Variants in SLC15A2 observed in about 807,000 individuals in gnomAD.
The protein encoded by SLC15A2 is kidney H(+)/peptide cotransporter.
Under a neutral mutation model 95.5 loss-of-function variants are expected in SLC15A2, and 77 were observed. That is an observed-to-expected ratio of 0.81 (90% CI 0.67 to 0.97). The LOEUF is 0.97. SLC15A2 is among the 50% of genes least tolerant of loss of function. The pLI, the probability that SLC15A2 is intolerant of heterozygous loss-of-function variation, is 0.00. For missense variants in SLC15A2, 893 were observed against 874.4 expected (o/e 1.02, Z -0.27); for synonymous variants, 306 against 306.9 (o/e 1.00, Z 0.03).
At chr3:121,904,531 A>C (rs541792571) in intron 3 of SLC15A2, among the ~76,000 whole-genome samples, 9 of 152,214 alleles carry the variant, frequency 5.9e-5, no homozygotes, top group African/African-American at 1.9e-4. Flanking sequence ...TTCCATCAAT[A>C]CCTAGTTTAT....
chr3:121,915,041 G>A (rs900752437), intron 5 of SLC15A2, 186 bp from the exon 6 acceptor site: 3 of 1,339,008 alleles, frequency 2.2e-6, no homozygotes, highest in Non-Finnish European at 2.9e-6. Flanking sequence ...AGTTTGAAAG[G>A]TGAGTAAATG....
chr3:121,903,924 T>C (rs1260754810), intron 3 of SLC15A2, among the ~76,000 whole-genome samples: 2 of 152,232 alleles, frequency 1.3e-5, no homozygotes, highest in East Asian at 3.8e-4. Context: ...GCATTGAATC[T>C]ATAAATTACC....
intron 7 of SLC15A2, among the ~76,000 whole-genome samples, chr3:121,915,977 T>C (rs1475695245): frequency 6.6e-6 from 1 of 152,156 alleles, no homozygotes; most frequent in Non-Finnish European, 1.5e-5. Context: ...TTTTTTAGTA[T>C]CTCGGGTCAT....
At chr3:121,904,511 T>C (rs1354522082) in intron 3 of SLC15A2, among the ~76,000 whole-genome samples, 1 of 152,206 alleles carries the variant, frequency 6.6e-6, no homozygotes, top group African/African-American at 2.4e-5. Context: ...TCTTATTATT[T>C]TGAGATACGT....
At chr3:121,925,184 C>A in intron 13 of SLC15A2, 151 bp downstream of exon 13, 1 of 640,076 alleles carries the variant, frequency 1.6e-6, no homozygotes, top group Non-Finnish European at 2.8e-6. Context: ...GACTAACTGC[C>A]TATTGACCCT....
chr3:121,923,495 A>G (rs1023789393), intron 11 of SLC15A2, among the ~76,000 whole-genome samples: 1 of 152,200 alleles, frequency 6.6e-6, no homozygotes, highest in Admixed American at 6.5e-5. Context: ...TTCAATGTAT[A>G]CAAGGAAGTA....
At chr3:121,913,949 C>A (rs368293650) in intron 5 of SLC15A2, among the ~76,000 whole-genome samples, 8 of 150,776 alleles carry the variant, frequency 5.3e-5, no homozygotes, top group Non-Finnish European at 1.0e-4. Context: ...CTCTCCCCCC[C>A]ACCTCCCGCC....
intron 8 of SLC15A2, 27 bp from the exon 9 acceptor site, chr3:121,922,748 T>A (rs1353772442): frequency 6.4e-7 from 1 of 1,558,326 alleles, no homozygotes; most frequent in African/African-American, 1.4e-5. Flanking sequence ...TCTTTGTCTC[T>A]CCCATGATGT....
chr3:121,916,440 A>G (rs1361365629), intron 7 of SLC15A2, among the ~76,000 whole-genome samples: 1 of 152,188 alleles, frequency 6.6e-6, no homozygotes, highest in Non-Finnish European at 1.5e-5. Flanking sequence ...GTGCAAACCC[A>G]TAAAGAGCTC....
In SLC15A2 at chr3:121,923,073, A is replaced by G. The variant is rs778502349; in HGVS notation, c.901A>G (p.Arg301Gly). ...QLIMDVKALT[R>G]VLFLYIPLPM... ...CATTATGGATGTAAAGGCACTGACC[A>G]GGGTACTATTCCTTTATATCCCATT... is the stretch of plus-strand genomic sequence containing the variant. Residue 301 changes from arginine (R) to glycine (G), a missense_variant, in exon 10 of 22, where the codon AGG becomes GGG. By Grantham distance (125) the Arg-to-Gly change is moderately radical. Transcript: ENST00000489711. 2.5e-6 allele frequency: 4 copies of G among 1,614,090 alleles called. No individual in the cohort carries two copies. Among genetic ancestry groups the G allele is most frequent in the East Asian group, 2.2e-5 (1 of 44,876 alleles).
At chr3:121,940,589 C>T in intron 21 of SLC15A2, 101 bp downstream of exon 21, 1 of 1,028,128 alleles carries the variant, frequency 9.7e-7, no homozygotes, top group Non-Finnish European at 1.5e-6. Flanking sequence ...ATTCCCCATT[C>T]AGTGCTGTGA....
chr3:121,931,439 C>G (rs1304125140), intron 18 of SLC15A2, among the ~76,000 whole-genome samples, 200 bp from the exon 19 acceptor site: 1 of 152,190 alleles, frequency 6.6e-6, no homozygotes, highest in Non-Finnish European at 1.5e-5. Context: ...AAATACCTGA[C>G]AAGCAATAAA....
At chr3:121,914,280 C>T (rs906985679) in intron 5 of SLC15A2, among the ~76,000 whole-genome samples, 1 of 152,182 alleles carries the variant, frequency 6.6e-6, no homozygotes, top group Non-Finnish European at 1.5e-5. Flanking sequence ...ACTCGTTGTT[C>T]TAATATGGCA....
chr3:121,911,255 C>G (rs549594917), intron 3 of SLC15A2, among the ~76,000 whole-genome samples: 32 of 152,250 alleles, frequency 2.1e-4, no homozygotes, highest in South Asian at 1.2e-3. Flanking sequence ...CTTGTCATGT[C>G]TGTACAAAGT....
chr3:121,919,538 T>C (rs1046968959), intron 7 of SLC15A2, among the ~76,000 whole-genome samples: 1 of 152,006 alleles, frequency 6.6e-6, no homozygotes, highest in Non-Finnish European at 1.5e-5. Context: ...TACCACTAGA[T>C]TGGTTAAAAG....
intron 9 of SLC15A2, 68 bp from the exon 10 acceptor site, chr3:121,922,968 ACTTC>A: frequency 6.4e-7 from 1 of 1,559,944 alleles, no homozygotes; most frequent in Non-Finnish European, 8.8e-7. Context: ...TTTTTTGGAC[ACTTC>A]TACTTTAAGC....
intron 21 of SLC15A2, 120 bp downstream of exon 21, chr3:121,940,608 G>C: frequency 1.1e-6 from 1 of 907,650 alleles, no homozygotes; most frequent in Non-Finnish European, 1.7e-6. Flanking sequence ...GACATGAAAT[G>C]GGTTAGATAT....
chr3:121,928,352 A>G (rs1054485396), intron 14 of SLC15A2, 69 bp from the exon 15 acceptor site: 8 of 1,550,270 alleles, frequency 5.2e-6, no homozygotes, highest in Non-Finnish European at 7.0e-6. Flanking sequence ...GAAACAACTG[A>G]GATATGTGTT....
intron 19 of SLC15A2, 73 bp from the exon 20 acceptor site, chr3:121,939,276 C>T (rs1710413665): frequency 3.4e-6 from 4 of 1,180,458 alleles, no homozygotes; most frequent in Admixed American, 6.0e-5. Flanking sequence ...GATATAAGAT[C>T]GTAGAATGCT....
Sources: gnomAD v4.1 joint callset for allele counts (sites outside exome capture counted in the v4.1 genomes callset) on GRCh38, gnomAD v4.1.1 for gene constraint, MANE v1.5 for transcripts, NCBI Gene and HGNC (gene_info 2026-07-23, HGNC 2026-07-21) for gene names.